The following TOX variants were observed in gnomAD, a reference collection of about 807,000 sequenced individuals.
TOX encodes thymocyte selection associated high mobility group box.
A neutral mutation model predicts 53.7 loss-of-function variants in TOX; 11 were observed. The observed-to-expected ratio is 0.20, with a 90% CI of 0.13 to 0.34. The LOEUF is 0.34. Ranked by LOEUF, TOX falls within the 10% of genes least tolerant of loss-of-function variation. TOX has a pLI of 1.00. For missense variants in TOX, 570 were observed against 664.6 expected (o/e 0.86, Z 1.56); for synonymous variants, 225 against 245.3 (o/e 0.92, Z 0.77).
chr8:58,850,906 GA>G (rs1443599707), intron 4 of TOX, among the ~76,000 whole-genome samples: 1 of 152,104 alleles, frequency 6.6e-6, no homozygotes, highest in Non-Finnish European at 1.5e-5. Context: ...GTAAAAAGAA[GA>G]AAAGGTGGCT....
At chr8:58,866,275 G>T (rs111759953) in intron 3 of TOX, among the ~76,000 whole-genome samples, 1 of 152,134 alleles carries the variant, frequency 6.6e-6, no homozygotes, top group Non-Finnish European at 1.5e-5. Flanking sequence ...GGATGAGAAG[G>T]TACACTGACT....
chr8:58,835,464 A>T (rs1810529935), intron 5 of TOX, among the ~76,000 whole-genome samples: 1 of 152,158 alleles, frequency 6.6e-6, no homozygotes. Flanking sequence ...TGGGGTCTGT[A>T]AATAACTTTG....
At chr8:59,007,867 A>G (rs543410001) in intron 1 of TOX, among the ~76,000 whole-genome samples, 1 of 152,346 alleles carries the variant, frequency 6.6e-6, no homozygotes, top group African/African-American at 2.4e-5. Flanking sequence ...AAGTTTGTCT[A>G]AGAGCCAGAA....
chr8:58,994,874 A>G (rs1278214925), intron 1 of TOX, among the ~76,000 whole-genome samples: 1 of 152,126 alleles, frequency 6.6e-6, no homozygotes, highest in African/African-American at 2.4e-5. Context: ...ACGGCACCCT[A>G]TTAGCTTTCT....
In TOX at chr8:58,838,229, T is replaced by C. The variant is rs1311831116; in HGVS notation, c.776A>G (p.Asn259Ser). 3.1e-6 allele frequency: 5 copies of C among 1,614,078 alleles called. No individual in the cohort carries two copies. The highest frequency in any genetic ancestry group is 1.3e-5 in the African/African-American group (1 of 74,938). The change falls in exon 5 of 9, where the codon AAT (asparagine) becomes AGT (serine). Residue 259 changes from asparagine to serine, a missense_variant. Physicochemically the swap from Asn to Ser is conservative, Grantham distance 46. Coordinates refer to ENST00000361421, the MANE Select transcript of TOX (RefSeq NM_014729.3). ...GGCAGACACAGGCTTCTGGGGCTCA[T>C]TGGGATCCTTCTTCTTCTTCTTTTT... ...TPKKKKKKDP[N>S]EPQKPVSAYA...
intron 5 of TOX, among the ~76,000 whole-genome samples, chr8:58,834,924 T>C (rs546652126): frequency 3.9e-5 from 6 of 152,306 alleles, no homozygotes; most frequent in South Asian, 2.1e-4. Context: ...CAAAGGAGCA[T>C]ACAGCATGGG....
In TOX at chr8:59,060,195, A is replaced by G. The variant is rs113335404; in HGVS notation, c.102+58691T>C. On this transcript the variant is annotated intron_variant, in intron 1 of 8. Transcript: ENST00000361421. Reference sequence around the variant, plus strand: ...TGATAACAGAGTGTTTAATTCCATCAAGACAACATTTGATAGCCCCGTGTC... The same window carrying G: ...TGATAACAGAGTGTTTAATTCCATCGAGACAACATTTGATAGCCCCGTGTC... Among the ~76,000 whole-genome samples, 1,221 of 152,330 alleles carry G rather than the reference A, an allele frequency of 8.0e-3. 14 individuals carry two copies. The highest frequency in any genetic ancestry group is 0.028 in the African/African-American group (1,170 of 41,564).
chr8:58,961,037 G>A (rs1032166752), intron 1 of TOX, among the ~76,000 whole-genome samples: 1 of 152,164 alleles, frequency 6.6e-6, no homozygotes, highest in African/African-American at 2.4e-5. Context: ...TAGTGTTATT[G>A]ATAGTGGTGC....
rs1554547185 is a variant in TOX at position 59,107,047 on chromosome 8, G to GGT, written c.102+11838_102+11839insAC. Among the ~76,000 whole-genome samples the GGT allele has an allele frequency of 2.4e-4, 11 of 46,546 alleles. 1 individual carries two copies. The highest frequency in any genetic ancestry group is 1.3e-3 in the African/African-American group (11 of 8,354). The allele number at this position is 46,546 out of a possible 152,430, so 30.5% of individuals were successfully genotyped here. A position where few individuals can be genotyped will look rare whatever the true frequency, so the allele number is the denominator to read the frequency against. On this transcript the variant is annotated intron_variant, in intron 1 of 8. Transcript: ENST00000361421. ...CAATGATCTTATAAAGCAGTTTGCT[G>GGT]GGGGGGGGGGGAACGTGACATTTCT...
rs749829400 is a variant in TOX at position 58,815,658 on chromosome 8, C to T, written c.1072G>A (p.Val358Met). ...PPQLINSKPS[V>M]FHGPSQAHSA... ...TGGGCCTGGCTGGGCCCATGGAACA[C>T]CGACGGCTTCGAATTGATCAGCTGA... The change falls in exon 7 of 9, where the codon GTG (valine) becomes ATG (methionine). Residue 358 changes from valine (V) to methionine (M), a missense_variant. Physicochemically the swap from Val to Met is conservative, Grantham distance 21. Transcript: ENST00000361421. 2 of 1,614,070 alleles carry T rather than the reference C, an allele frequency of 1.2e-6. No individual in the cohort carries two copies. Among genetic ancestry groups the T allele is most frequent in the Non-Finnish European group, 1.7e-6 (2 of 1,179,984 alleles).
intron 1 of TOX, among the ~76,000 whole-genome samples, chr8:58,971,226 T>A (rs1471706163): frequency 6.6e-6 from 1 of 152,228 alleles, no homozygotes; most frequent in Non-Finnish European, 1.5e-5. Flanking sequence ...AGCAGCACGA[T>A]GAGGAAAAAC....
chr8:59,023,405 A>G (rs1463669074), intron 1 of TOX, among the ~76,000 whole-genome samples: 1 of 121,008 alleles, frequency 8.3e-6, no homozygotes, highest in Admixed American at 8.5e-5. Context: ...TTTACAATAC[A>G]TATTTTATCT....
At chr8:58,942,600 G>T (rs1431154601) in intron 2 of TOX, among the ~76,000 whole-genome samples, 1 of 152,008 alleles carries the variant, frequency 6.6e-6, no homozygotes, top group Non-Finnish European at 1.5e-5. Context: ...TTCAATGCCA[G>T]GCTAATTACT....
intron 1 of TOX, among the ~76,000 whole-genome samples, chr8:59,032,739 C>A (rs779193990): frequency 1.4e-4 from 21 of 152,194 alleles, no homozygotes; most frequent in Non-Finnish European, 2.4e-4. Context: ...GTGGCTCACG[C>A]CTGTAATCCC....
rs115678534 is a variant in TOX at position 58,994,719 on chromosome 8, G to A, written c.103-34711C>T. 4.3e-3 allele frequency among the ~76,000 whole-genome samples: 654 copies of A among 152,260 alleles called. 4 individuals carry two copies. Among genetic ancestry groups the A allele is most frequent in the African/African-American group, 0.015 (605 of 41,542 alleles). The stretch of plus-strand genomic sequence containing the variant: ...TTCAGAGATGGCCTGAAACTTGGTT[G>A]TTTCAAAGAAAGCTGTTGGCCCATC... On this transcript the variant is annotated intron_variant, in intron 1 of 8. Transcript: ENST00000361421.
At chr8:58,971,803 GC>G (rs1813008355) in intron 1 of TOX, among the ~76,000 whole-genome samples, 1 of 151,998 alleles carries the variant, frequency 6.6e-6, no homozygotes, top group African/African-American at 2.4e-5. Context: ...CAATTCTCTT[GC>G]CTTAGCGTCC....
chr8:58,945,370 T>C (rs940571730), intron 2 of TOX, among the ~76,000 whole-genome samples: 9 of 152,220 alleles, frequency 5.9e-5, no homozygotes, highest in Non-Finnish European at 1.0e-4. Context: ...GAGACTGAGA[T>C]TGGGAAAGTA....
chr8:58,924,161 T>C (rs1331892647), intron 3 of TOX, among the ~76,000 whole-genome samples: 2 of 152,222 alleles, frequency 1.3e-5, no homozygotes, highest in African/African-American at 4.8e-5. Flanking sequence ...GAGTTGCAGA[T>C]ATTCAAAGAT....
intron 1 of TOX, among the ~76,000 whole-genome samples, chr8:59,069,412 G>T (rs998028372): frequency 6.6e-6 from 1 of 152,178 alleles, no homozygotes. Context: ...GATTTAAGAT[G>T]CAGGATATTG....
Sources: gnomAD v4.1 joint callset for allele counts (sites outside exome capture counted in the v4.1 genomes callset) on GRCh38, gnomAD v4.1.1 for gene constraint, MANE v1.5 for transcripts, NCBI Gene and HGNC (gene_info 2026-07-23, HGNC 2026-07-21) for gene names.